ADAMTS6: variants seen among roughly 807,000 people sequenced by gnomAD.
The protein encoded by ADAMTS6 is ADAM metallopeptidase with thrombospondin type 1 motif 6, also known as A disintegrin and metalloproteinase with thrombospondin motifs 6.
A neutral mutation model predicts 144.3 loss-of-function variants in ADAMTS6; 23 were observed. The ratio of observed to expected loss-of-function variants is 0.16; its 90% CI spans 0.11 to 0.23. The LOEUF (loss-of-function observed/expected upper bound fraction) is 0.23. ADAMTS6 is among the 10% of genes least tolerant of loss of function. The probability of loss-of-function intolerance (pLI) is 1.00; values close to 1 mark genes in which losing one functional copy is unlikely to be tolerated. For synonymous variants in ADAMTS6, 444 were observed against 457.5 expected (o/e 0.97, Z 0.38); for missense variants, 999 against 1,379.6 (o/e 0.72, Z 4.37).
chr5:65,291,530 T>C, intron 10 of ADAMTS6, 60 bp from the exon 11 acceptor site: 1 of 1,503,604 alleles, frequency 6.7e-7, no homozygotes. Context: ...TAGTCACAAT[T>C]ATGAAACCAC....
intron 24 of ADAMTS6, among the ~76,000 whole-genome samples, chr5:65,158,867 TCTGATTTC>T (rs1174789161): frequency 1.3e-5 from 2 of 152,224 alleles, no homozygotes; most frequent in Non-Finnish European, 2.9e-5. Context: ...AAACCCTGCT[TCTGATTTC>T]CTTATTATCA....
intron 7 of ADAMTS6, among the ~76,000 whole-genome samples, chr5:65,367,693 G>A (rs1397256775): frequency 6.6e-6 from 1 of 151,944 alleles, no homozygotes; most frequent in African/African-American, 2.4e-5. Flanking sequence ...ACTGCGTCAC[G>A]ATCCAACTTC....
At chr5:65,177,157 G>A (rs757128835) in intron 22 of ADAMTS6, among the ~76,000 whole-genome samples, 24 of 152,234 alleles carry the variant, frequency 1.6e-4, no homozygotes, top group African/African-American at 3.6e-4. Context: ...ACTGCCGTTC[G>A]TAGAGCGGAA....
intron 12 of ADAMTS6, 118 bp downstream of exon 12, chr5:65,273,222 A>G: frequency 2.4e-6 from 2 of 844,304 alleles, no homozygotes; most frequent in East Asian, 5.0e-5. Context: ...TCTAGGAATT[A>G]ATTATTTTCA....
rs116099843 is a variant in ADAMTS6 at position 65,356,044 on chromosome 5, T to C, written c.1074-21959A>G. On this transcript the variant is annotated intron_variant, in intron 7 of 24. Coordinates refer to ENST00000381055, the MANE Select transcript of ADAMTS6 (RefSeq NM_197941.4). ...TAGAGTAATGCTAAGAAACAATTCATGTTCAGACTTTTTTTTCCTTTTTTT... is the reference window on the plus strand; with the variant it reads ...TAGAGTAATGCTAAGAAACAATTCACGTTCAGACTTTTTTTTCCTTTTTTT... Among the ~76,000 whole-genome samples, 413 of 151,980 alleles carry C rather than the reference T, an allele frequency of 2.7e-3. 1 individual carries two copies. Among genetic ancestry groups the C allele is most frequent in the African/African-American group, 9.7e-3 (402 of 41,550 alleles).
Position 65,300,089 on chromosome 5 carries a change from C to G in ADAMTS6, c.1266G>C (p.Thr422=). ...NHDGIGNSCG[T]KGHEAAKLMA... ...TAAGTTTTGCTGCTTCATGACCTTTCGTCCCACAAGAATTTCCAATTCCAT... is the reference window on the plus strand; with the variant it reads ...TAAGTTTTGCTGCTTCATGACCTTTGGTCCCACAAGAATTTCCAATTCCAT... Residue 422 remains threonine (T), a synonymous_variant, in exon 10 of 25, where the codon ACG becomes ACC. Coordinates refer to ENST00000381055, the MANE Select transcript of ADAMTS6 (RefSeq NM_197941.4). The G allele has an allele frequency of 6.2e-7, 1 of 1,614,056 alleles. No individual in the cohort carries two copies. The highest frequency in any genetic ancestry group is 8.5e-7 in the Non-Finnish European group (1 of 1,179,980).
At chr5:65,215,079 C>T (rs1345404264) in intron 19 of ADAMTS6, 147 bp from the exon 20 acceptor site, 2 of 1,164,198 alleles carry the variant, frequency 1.7e-6, no homozygotes, top group Non-Finnish European at 2.4e-6. Context: ...AAATTTTCTC[C>T]TCCCATTTTC....
chr5:65,313,005 G>A (rs114472794), intron 9 of ADAMTS6, among the ~76,000 whole-genome samples: 3,009 of 152,030 alleles, frequency 0.02, 91 homozygotes, highest in African/African-American at 0.069. Context: ...AGTCAATTAG[G>A]ACAATGGTGT....
At chr5:65,405,940 C>T (rs545743725) in intron 7 of ADAMTS6, among the ~76,000 whole-genome samples, 1 of 152,224 alleles carries the variant, frequency 6.6e-6, no homozygotes, top group African/African-American at 2.4e-5. Flanking sequence ...TGATTTGGCT[C>T]TGTGTTAGTC....
intron 24 of ADAMTS6, among the ~76,000 whole-genome samples, chr5:65,155,668 C>CA (rs1752371650): frequency 6.6e-6 from 1 of 152,188 alleles, no homozygotes; most frequent in African/African-American, 2.4e-5. Flanking sequence ...TTATGAAACT[C>CA]ATGCTGGGTC....
intron 7 of ADAMTS6, among the ~76,000 whole-genome samples, chr5:65,403,053 C>A (rs58453221): frequency 1.2e-4 from 18 of 152,050 alleles, no homozygotes; most frequent in Admixed American, 2.6e-4. Flanking sequence ...ATAGCTCCAT[C>A]CCTCCTAATA....
intron 7 of ADAMTS6, among the ~76,000 whole-genome samples, chr5:65,428,001 G>A (rs1756690955): frequency 6.6e-6 from 1 of 151,896 alleles, no homozygotes; most frequent in African/African-American, 2.4e-5. Context: ...TGAGACAGGT[G>A]GATCACCTGA....
rs935266900 is a variant in ADAMTS6 at position 65,435,687 on chromosome 5, G to A, written c.1073+15788C>T. Among the ~76,000 whole-genome samples the A allele has an allele frequency of 4.6e-5, 7 of 151,564 alleles. No individual in the cohort carries two copies. The Middle Eastern group carries it at 0.01, about 221-fold the overall frequency. On this transcript the variant is annotated intron_variant, in intron 7 of 24. Coordinates refer to ENST00000381055, the MANE Select transcript of ADAMTS6 (RefSeq NM_197941.4). ...ATTATTCAGGCTGGAGTACAGTGGC[G>A]CGATATCGGCTCACTGCAACCTCCG...
intron 9 of ADAMTS6, among the ~76,000 whole-genome samples, chr5:65,309,421 C>T (rs544509787): frequency 3.3e-5 from 4 of 121,522 alleles, no homozygotes; most frequent in African/African-American, 6.4e-5. Flanking sequence ...GTTGATCTGA[C>T]AGGAGGTGGA....
intron 13 of ADAMTS6, among the ~76,000 whole-genome samples, chr5:65,261,728 T>A (rs1462434507): frequency 1.3e-5 from 2 of 151,872 alleles, no homozygotes; most frequent in African/African-American, 2.4e-5. Context: ...GCATGACTGG[T>A]TTATGAATGG....
At chr5:65,328,128 G>A (rs770063468) in intron 9 of ADAMTS6, among the ~76,000 whole-genome samples, 5 of 151,944 alleles carry the variant, frequency 3.3e-5, no homozygotes, top group East Asian at 1.9e-4. Context: ...GAATCAAGCC[G>A]GGTTTGAAAC....
At chr5:65,160,468 G>A (rs549044865) in intron 24 of ADAMTS6, among the ~76,000 whole-genome samples, 5 of 151,858 alleles carry the variant, frequency 3.3e-5, no homozygotes, top group Admixed American at 2.0e-4. Context: ...CACCACGCCC[G>A]GCTAATTTTT....
At chr5:65,431,659 C>A (rs965108773) in intron 7 of ADAMTS6, among the ~76,000 whole-genome samples, 12 of 152,076 alleles carry the variant, frequency 7.9e-5, no homozygotes, top group African/African-American at 2.2e-4. Context: ...TATTAGTTTT[C>A]TAACTGAAAC....
chr5:65,429,084 A>G (rs1341969996), intron 7 of ADAMTS6, among the ~76,000 whole-genome samples: 1 of 152,206 alleles, frequency 6.6e-6, no homozygotes, highest in African/African-American at 2.4e-5. Context: ...GAAACTAGAA[A>G]GAATTTCCCT....
Sources: gnomAD v4.1 joint callset for allele counts (sites outside exome capture counted in the v4.1 genomes callset) on GRCh38, gnomAD v4.1.1 for gene constraint, MANE v1.5 for transcripts, NCBI Gene and HGNC (gene_info 2026-07-23, HGNC 2026-07-21) for gene names.